The following ZNF746 variants were observed in gnomAD, a reference collection of about 807,000 sequenced individuals.
The protein encoded by ZNF746 is parkin-interacting substrate.
In ZNF746, 13 loss-of-function variants were observed where a neutral mutation model predicts 41.0. The observed-to-expected ratio is 0.32, with a 90% CI of 0.21 to 0.50. The LOEUF (loss-of-function observed/expected upper bound fraction) is 0.50, where lower values mean the gene tolerates loss of function less well. Among genes scored for constraint, ZNF746 ranks in the 20% least tolerant of loss-of-function variants. The pLI, the probability that ZNF746 is intolerant of heterozygous loss-of-function variation, is 0.98. For synonymous variants in ZNF746, 424 were observed against 396.2 expected, an observed-to-expected ratio of 1.07 and a Z score of -0.83; for missense variants, 811 against 922.9, an observed-to-expected ratio of 0.88 and a Z score of 1.57.
At chr7:149,488,023 G>C (rs1428995230) in intron 4 of ZNF746, 2 of 152,134 alleles carry the variant, frequency 1.3e-5, no homozygotes, top group East Asian at 1.9e-4. Flanking sequence ...GAAGCTAAAA[G>C]AGCAAGCTGT....
At chr7:149,488,484 A>G (rs1175318894) in intron 4 of ZNF746, 1 of 152,238 alleles carries the variant, frequency 6.6e-6, no homozygotes, top group Admixed American at 6.5e-5. Context: ...AACACAAATA[A>G]TAGACAAAGG....
chr7:149,494,465 C>T lies in ZNF746; in HGVS notation c.63G>A (p.Met21Ile). Residue 21 changes from methionine (M) to isoleucine (I), a missense_variant, in exon 2 of 7, where the codon ATG (methionine) becomes ATA (isoleucine). Physicochemically the swap from Met to Ile is conservative, Grantham distance 10. Around this residue, in one of 4 missense-constraint regions of ZNF746, gnomAD observed 147 missense variants for 233.4 expected, o/e 0.63. Coordinates refer to ENST00000458143, the MANE Select transcript of ZNF746 (RefSeq NM_001394198.1). The surrounding 1 kb of genome is among the most constrained non-coding windows in gnomAD (Gnocchi z 5.6). Reference sequence around the variant, plus strand: ...CAGCCTGCGATTCAATCTTCCTCTCCATGGCCTGAATCGTGGCTGCCATCG... The same window carrying T: ...CAGCCTGCGATTCAATCTTCCTCTCTATGGCCTGAATCGTGGCTGCCATCG... Reference protein sequence around the residue: ...PWTMAATIQAMERKIESQAAR... With the variant: ...PWTMAATIQAIERKIESQAAR... 6.2e-7 allele frequency: 1 copy of T among 1,614,004 alleles called. No homozygotes were observed. The highest frequency in any genetic ancestry group is 8.5e-7 in the Non-Finnish European group (1 of 1,179,866).
chr7:149,475,264 T>C lies in ZNF746; in HGVS notation c.1103A>G (p.Glu368Gly). 3 of 1,613,100 alleles carry C rather than the reference T, an allele frequency of 1.9e-6. No homozygotes were observed. The highest frequency in any genetic ancestry group is 2.5e-6 in the Non-Finnish European group (3 of 1,179,542). The change falls in exon 7 of 7, where the codon GAG (glutamate) becomes GGG (glycine). Residue 368 changes from glutamate to glycine, a missense_variant. Glu to Gly is a moderately conservative substitution (Grantham distance 98). Coordinates refer to ENST00000458143, the MANE Select transcript of ZNF746 (RefSeq NM_001394198.1). ...VLGLREPARP[E>G]RDMGELSPAV... ...AGGACTGAGCTCACCCATGTCCCTC[T>C]CAGGCCGGGCGGGCTCTCGCAGCCC...
chr7:149,490,836 G>A (rs1431558147), intron 4 of ZNF746: 2 of 152,862 alleles, frequency 1.3e-5, no homozygotes, highest in East Asian at 1.9e-4. Flanking sequence ...ACAAGGCCTG[G>A]GACCCAAAGG....
At position 149,480,687 on chromosome 7, in the gene ZNF746, C is replaced by T. The variant is rs539498685; in HGVS notation, c.566-2932G>A. ...CTGAGCTCAGGCAATCTGCCAGCCT[C>T]GGCCTCCCCAAGTGCTAGGATTACA... is the stretch of plus-strand genomic sequence containing the variant. On this transcript the variant is annotated intron_variant, in intron 4 of 6. Coordinates refer to ENST00000458143, the MANE Select transcript of ZNF746 (RefSeq NM_001394198.1). 1.8e-4 allele frequency among the ~76,000 whole-genome samples: 28 copies of T among 152,260 alleles called. No individual in the cohort carries two copies. In the South Asian group the frequency reaches 2.1e-3, roughly 11 times the overall value.
At chr7:149,490,215 A>G (rs1179115193) in intron 4 of ZNF746, 2 of 152,374 alleles carry the variant, frequency 1.3e-5, no homozygotes, top group Non-Finnish European at 2.9e-5. Context: ...TTAAAATATA[A>G]AACTGTTCTC....
Position 149,477,622 on chromosome 7 carries a change from G to A in ZNF746, c.699C>T (p.Pro233=), listed in dbSNP as rs1800349509. Residue 233 remains proline (P), a synonymous_variant, in exon 5 of 7, where the codon CCC becomes CCT. Transcript: ENST00000458143. The stretch of plus-strand genomic sequence containing the variant: ...CGGAATCCAGCTGGCTGAGGCCCCA[G>A]GGCTCCTCCCCAATATCTGGCTGCC... The part of the protein sequence containing the change: ...AAGQPDIGEE[P]WGLSQLDSGA... The A allele has an allele frequency of 1.9e-6, 3 of 1,614,030 alleles. No individual in the cohort carries two copies. Among genetic ancestry groups the A allele is most frequent in the Non-Finnish European group, 2.5e-6 (3 of 1,179,908 alleles).
Position 149,486,618 on chromosome 7 carries a change from T to G in ZNF746, c.565+6241A>C, listed in dbSNP as rs374476065. ...GAAAAGCAGGTTAAGGAAGAACATATGTGGTATGATTCCATTTACAAAAAG... is the reference window on the plus strand; with the variant it reads ...GAAAAGCAGGTTAAGGAAGAACATAGGTGGTATGATTCCATTTACAAAAAG... On this transcript the variant is annotated intron_variant, in intron 4 of 6. Coordinates refer to ENST00000458143, the MANE Select transcript of ZNF746 (RefSeq NM_001394198.1). Among the ~76,000 whole-genome samples the G allele has an allele frequency of 1.4e-4, 22 of 152,294 alleles. No homozygotes were observed. In the East Asian group the frequency reaches 3.9e-3, roughly 27 times the overall value.
rs1800166503 is a variant in ZNF746 at position 149,473,410 on chromosome 7, T to C, written c.*974A>G. On this transcript the variant is annotated 3_prime_UTR_variant, in exon 7 of 7. Transcript: ENST00000458143. The stretch of plus-strand genomic sequence containing the variant: ...TGAGGTGTGTCCCCTCTGAGCAGTT[T>C]GCACCTCTAAAAAGAAATCCCTGTC... 6.6e-6 allele frequency: 1 copy of C among 152,236 alleles called. No homozygotes were observed. Among genetic ancestry groups the C allele is most frequent in the Admixed American group, 6.5e-5 (1 of 15,286 alleles). 9.4% of individuals were successfully genotyped at this position (152,236 alleles called of 1,614,324 possible).
At chr7:149,493,507 C>A (rs1190103636) in intron 3 of ZNF746, among the ~76,000 whole-genome samples, 1 of 151,654 alleles carries the variant, frequency 6.6e-6, no homozygotes, top group Non-Finnish European at 1.5e-5. Context: ...AGAGCAGTAG[C>A]CCCAGGGGCT....
At chr7:149,495,715 C>A (rs1156336925) in intron 1 of ZNF746, among the ~76,000 whole-genome samples, 2 of 152,134 alleles carry the variant, frequency 1.3e-5, no homozygotes, top group African/African-American at 2.4e-5. Flanking sequence ...AACTAGAATG[C>A]GGATGGACAG....
In ZNF746 at chr7:149,497,585, C is replaced by T. The variant is rs1279082954; in HGVS notation, c.-49G>A. 2.9e-6 allele frequency: 3 copies of T among 1,040,340 alleles called. No individual in the cohort carries two copies. Among genetic ancestry groups the T allele is most frequent in the Middle Eastern group, 9.1e-4 (2 of 2,208 alleles). 64.4% of individuals were successfully genotyped at this position (1,040,340 alleles called of 1,614,324 possible). On this transcript the variant is annotated 5_prime_UTR_variant, in exon 1 of 7. Transcript: ENST00000458143. This position sits in a 1 kb window ranked among gnomAD's most constrained non-coding sequence, Gnocchi z 4.2. ...CCGGAGGAAGTCGTCGTCGCCGCCG[C>T]CGCGCGCGGCACCACGCAGGCCCGG...
At position 149,477,625 on chromosome 7, in the gene ZNF746, C is replaced by A; in HGVS notation, c.696G>T (p.Glu232Asp). The change falls in exon 5 of 7, where the codon GAG becomes GAT. Residue 232 changes from glutamate to aspartate, a missense_variant. Transcript: ENST00000458143. ...WAAGQPDIGE[E>D]PWGLSQLDSG... ...AATCCAGCTGGCTGAGGCCCCAGGG[C>A]TCCTCCCCAATATCTGGCTGCCCGG... 6.2e-7 allele frequency: 1 copy of A among 1,614,034 alleles called. No individual in the cohort carries two copies. Among genetic ancestry groups the A allele is most frequent in the Non-Finnish European group, 8.5e-7 (1 of 1,179,938 alleles).
At chr7:149,493,515 G>A (rs1357016090) in intron 3 of ZNF746, among the ~76,000 whole-genome samples, 1 of 152,094 alleles carries the variant, frequency 6.6e-6, no homozygotes, top group Non-Finnish European at 1.5e-5. Flanking sequence ...AGCCCCAGGG[G>A]CTGAGGGAAG....
At position 149,477,086 on chromosome 7, in the gene ZNF746, C is replaced by T. The variant is rs369936728; in HGVS notation, c.758-39G>A. The T allele has an allele frequency of 1.3e-4, 213 of 1,585,110 alleles. No individual in the cohort carries two copies. In the African/African-American group the frequency reaches 2.3e-3, roughly 17 times the overall value. On this transcript the variant is annotated intron_variant, in intron 5 of 6. Coordinates refer to ENST00000458143, the MANE Select transcript of ZNF746 (RefSeq NM_001394198.1). ...AGAGCAGAGCCGGTGGGTTAGGGGACGGACGGGGAGGACAGAAGACTGTTG... is the reference window on the plus strand; with the variant it reads ...AGAGCAGAGCCGGTGGGTTAGGGGATGGACGGGGAGGACAGAAGACTGTTG...
rs1800861785 is a variant in ZNF746, at chr7:149,493,015, A to C, written c.452-43T>G. 5.2e-6 allele frequency: 7 copies of C among 1,341,176 alleles called. No individual in the cohort carries two copies. In the Admixed American group the frequency reaches 5.3e-5, roughly 10 times the overall value. The allele number at this position is 1,341,176 out of a possible 1,614,324, so 83.1% of individuals were successfully genotyped here. On this transcript the variant is annotated intron_variant, in intron 3 of 6. Transcript: ENST00000458143. Reference sequence around the variant, plus strand: ...GTTAGTTTTTGCCACGTTCCAGTCAAAGCTGGGGACAGTCATCCCGGAAAA... The same window carrying C: ...GTTAGTTTTTGCCACGTTCCAGTCACAGCTGGGGACAGTCATCCCGGAAAA...
rs1801055740 is a variant in ZNF746 at position 149,497,609 on chromosome 7, G to C, written c.-73C>G. 2.0e-6 allele frequency: 2 copies of C among 1,012,502 alleles called. No homozygotes were observed. Among genetic ancestry groups the C allele is most frequent in the East Asian group, 1.9e-4 (2 of 10,636 alleles). The allele number at this position is 1,012,502 out of a possible 1,614,324, so 62.7% of individuals were successfully genotyped here. ...GCCGCGCGCGGCACCACGCAGGCCCGGCCGCCCGGTGCTCTCCGCAGGCGG... is the reference window on the plus strand; with the variant it reads ...GCCGCGCGCGGCACCACGCAGGCCCCGCCGCCCGGTGCTCTCCGCAGGCGG... On this transcript the variant is annotated 5_prime_UTR_variant, in exon 1 of 7. Coordinates refer to ENST00000458143, the MANE Select transcript of ZNF746 (RefSeq NM_001394198.1). This position sits in a 1 kb window ranked among gnomAD's most constrained non-coding sequence, Gnocchi z 4.2.
In ZNF746 at chr7:149,475,168, C is replaced by CG; in HGVS notation, c.1198dup (p.Arg400ProfsTer3). 6.2e-7 allele frequency: 1 copy of CG among 1,612,636 alleles called. No individual in the cohort carries two copies. Among genetic ancestry groups the CG allele is most frequent in the Non-Finnish European group, 8.5e-7 (1 of 1,179,796 alleles). ...GTTCAGGCCCACTGGCGGTTTACAC[C>CG]GGAAATTCCAGCCCCACCGGACCCC... On this transcript the variant is annotated frameshift_variant, in exon 7 of 7. Transcript: ENST00000458143. LOFTEE classifies it low-confidence loss of function (END_TRUNC).
At position 149,474,864 on chromosome 7, in the gene ZNF746, T is replaced by A. The variant is rs1259311605; in HGVS notation, c.1503A>T (p.Thr501=). Residue 501 remains threonine (T), a synonymous_variant, in exon 7 of 7, where the codon ACA becomes ACT. Transcript: ENST00000458143. This position sits in a 1 kb window ranked among gnomAD's most constrained non-coding sequence, Gnocchi z 6.3. ...CGAPDGSGPG[T]GGGGSGSGGG... is the part of the protein sequence containing the mutation. ...CGCCACTGCCGCTGCCGCCACCGCCTGTGCCCGGGCCCGACCCGTCGGGCG... is the reference window on the plus strand; with the variant it reads ...CGCCACTGCCGCTGCCGCCACCGCCAGTGCCCGGGCCCGACCCGTCGGGCG... 6.8e-7 allele frequency: 1 copy of A among 1,467,176 alleles called. No individual in the cohort carries two copies. The highest frequency in any genetic ancestry group is 1.3e-5 in the South Asian group (1 of 77,318). The allele number at this position is 1,467,176 out of a possible 1,614,324, so 90.9% of individuals were successfully genotyped here. A position where few individuals can be genotyped will look rare whatever the true frequency, so the allele number is the denominator to read the frequency against.
Sources: allele counts gnomAD v4.1 joint callset (sites outside exome capture counted in the v4.1 genomes callset), GRCh38; gene constraint gnomAD v4.1.1; regional missense constraint gnomAD v4.1.1; non-coding constraint Gnocchi (gnomAD v3.1); transcripts MANE v1.5; gene names NCBI Gene and HGNC (gene_info 2026-07-23, HGNC 2026-07-21).